The following SH3GL2 variants were observed in gnomAD, a reference collection of about 807,000 sequenced individuals.
SH3GL2 encodes endophilin-A1.
Under a neutral mutation model 46.0 loss-of-function variants are expected in SH3GL2, and 24 were observed. The observed-to-expected ratio is 0.52, with a 90% CI of 0.38 to 0.73. The LOEUF is 0.73. Ranked by LOEUF, SH3GL2 falls within the 30% of genes least tolerant of loss-of-function variation. The pLI is 0.00. For missense variants in SH3GL2, 413 were observed against 424.2 expected, an observed-to-expected ratio of 0.97 and a Z score of 0.23; for synonymous variants, 196 against 147.1, an observed-to-expected ratio of 1.33 and a Z score of -2.40.
chr9:17,650,261 A>G (rs555120438), intron 1 of SH3GL2, among the ~76,000 whole-genome samples: 1 of 152,368 alleles, frequency 6.6e-6, no homozygotes, highest in East Asian at 1.9e-4. Flanking sequence ...ATATCCTTGT[A>G]ACAGTTTGAA....
At chr9:17,691,708 G>T (rs1821083342) in intron 1 of SH3GL2, among the ~76,000 whole-genome samples, 1 of 151,946 alleles carries the variant, frequency 6.6e-6, no homozygotes, top group Non-Finnish European at 1.5e-5. Context: ...TAACATAGTT[G>T]GTATTTTATT....
intron 1 of SH3GL2, among the ~76,000 whole-genome samples, chr9:17,608,621 A>G (rs1298077349): frequency 6.6e-6 from 1 of 152,202 alleles, no homozygotes; most frequent in Non-Finnish European, 1.5e-5. Context: ...TTCTCTAGGC[A>G]AAGTATTATC....
rs141920483 is a variant in SH3GL2 at position 17,751,265 on chromosome 9, T to A, written c.114+4131T>A. 7.7e-3 allele frequency among the ~76,000 whole-genome samples: 1,167 copies of A among 152,218 alleles called. 11 individuals are homozygous for A. The highest frequency in any genetic ancestry group is 7.3e-3 in the East Asian group (38 of 5,176). ...GAGTAAGAGAGGATTATTGGCAGATTCAGGTGTGGAGAAAGTCCAATAGGA... is the reference window on the plus strand; with the variant it reads ...GAGTAAGAGAGGATTATTGGCAGATACAGGTGTGGAGAAAGTCCAATAGGA... On this transcript the variant is annotated intron_variant, in intron 2 of 8. Transcript: ENST00000380607.
At chr9:17,671,709 G>C (rs535554684) in intron 1 of SH3GL2, among the ~76,000 whole-genome samples, 1 of 152,182 alleles carries the variant, frequency 6.6e-6, no homozygotes, top group Non-Finnish European at 1.5e-5. Flanking sequence ...AACCTTTGCA[G>C]TATTGTGCCT....
chr9:17,722,316 A>G (rs1821915537), intron 1 of SH3GL2, among the ~76,000 whole-genome samples: 1 of 152,086 alleles, frequency 6.6e-6, no homozygotes, highest in Admixed American at 6.6e-5. Flanking sequence ...TTGTCTGTAT[A>G]TGCAGTACCA....
intron 1 of SH3GL2, among the ~76,000 whole-genome samples, chr9:17,736,043 C>G (rs1822325241): frequency 6.6e-6 from 1 of 151,986 alleles, no homozygotes; most frequent in Non-Finnish European, 1.5e-5. Flanking sequence ...GAAGTCAGCC[C>G]CAGTGCAGGC....
intron 3 of SH3GL2, among the ~76,000 whole-genome samples, chr9:17,762,452 C>G (rs1336992182): frequency 2.0e-5 from 3 of 151,300 alleles, no homozygotes; most frequent in Non-Finnish European, 2.9e-5. Flanking sequence ...CAGGTGTGTG[C>G]TGTACTAAGT....
At chr9:17,655,878 G>C (rs1820063185) in intron 1 of SH3GL2, among the ~76,000 whole-genome samples, 1 of 152,192 alleles carries the variant, frequency 6.6e-6, no homozygotes, top group Admixed American at 6.5e-5. Flanking sequence ...GAGGATAGAG[G>C]TGGGTCCAGG....
At chr9:17,601,558 T>C (rs912816780) in intron 1 of SH3GL2, among the ~76,000 whole-genome samples, 1 of 152,208 alleles carries the variant, frequency 6.6e-6, no homozygotes, top group Non-Finnish European at 1.5e-5. Flanking sequence ...GTAAAATATC[T>C]TTTTAGTCAT....
intron 1 of SH3GL2, among the ~76,000 whole-genome samples, chr9:17,634,541 A>G (rs1193793871): frequency 1.3e-5 from 2 of 152,212 alleles, no homozygotes; most frequent in African/African-American, 2.4e-5. Context: ...GTCAACCACT[A>G]GAGACTTAGC....
intron 1 of SH3GL2, among the ~76,000 whole-genome samples, chr9:17,660,189 C>T (rs1041236831): frequency 3.3e-5 from 5 of 151,880 alleles, no homozygotes; most frequent in Admixed American, 3.3e-4. Context: ...TTTCTTTGGC[C>T]AGGGCTGTGT....
At chr9:17,751,879 G>C (rs971220468) in intron 2 of SH3GL2, among the ~76,000 whole-genome samples, 1 of 152,110 alleles carries the variant, frequency 6.6e-6, no homozygotes, top group Non-Finnish European at 1.5e-5. Flanking sequence ...GATGTAAGAA[G>C]GGCCAGAGCT....
chr9:17,620,973 T>C (rs1031658006), intron 1 of SH3GL2, among the ~76,000 whole-genome samples: 2 of 152,180 alleles, frequency 1.3e-5, no homozygotes, highest in African/African-American at 2.4e-5. Flanking sequence ...AAATGAGTTT[T>C]TAAAAAATAC....
chr9:17,771,792 A>C (rs970815285), intron 3 of SH3GL2, among the ~76,000 whole-genome samples: 2 of 152,052 alleles, frequency 1.3e-5, no homozygotes, highest in African/African-American at 4.8e-5. Flanking sequence ...TTCCTACTTG[A>C]GGCATAAGAG....
At chr9:17,758,164 C>G (rs10963248) in intron 2 of SH3GL2, among the ~76,000 whole-genome samples, 1 of 152,182 alleles carries the variant, frequency 6.6e-6, no homozygotes, top group Non-Finnish European at 1.5e-5. Flanking sequence ...TTTCCCTTCT[C>G]TAGGCCACAG....
intron 1 of SH3GL2, among the ~76,000 whole-genome samples, chr9:17,630,883 T>C (rs537990658): frequency 1.3e-5 from 2 of 152,148 alleles, no homozygotes; most frequent in African/African-American, 2.4e-5. Flanking sequence ...CCTATAAAAA[T>C]TCCTTCACCC....
intron 1 of SH3GL2, among the ~76,000 whole-genome samples, chr9:17,741,219 T>C (rs1005810148): frequency 6.6e-6 from 1 of 152,144 alleles, no homozygotes; most frequent in African/African-American, 2.4e-5. Flanking sequence ...TTCAAAAAAG[T>C]ATTTTGGAAA....
At chr9:17,677,681 C>T (rs1820647957) in intron 1 of SH3GL2, among the ~76,000 whole-genome samples, 1 of 151,704 alleles carries the variant, frequency 6.6e-6, no homozygotes, top group African/African-American at 2.4e-5. Flanking sequence ...GCACAACGTG[C>T]AGGTTTGTTA....
chr9:17,701,562 A>G, intron 1 of SH3GL2, among the ~76,000 whole-genome samples: 1 of 152,114 alleles, frequency 6.6e-6, no homozygotes, highest in East Asian at 1.9e-4. Flanking sequence ...ATACCTAGAA[A>G]ACTTTATGGG....
Sources: gnomAD v4.1 joint callset for allele counts (sites outside exome capture counted in the v4.1 genomes callset) on GRCh38, gnomAD v4.1.1 for gene constraint, MANE v1.5 for transcripts, NCBI Gene and HGNC (gene_info 2026-07-23, HGNC 2026-07-21) for gene names.